Variants in PCSK2 observed in about 807,000 individuals in gnomAD.
PCSK2 encodes the protein neuroendocrine convertase 2.
PCSK2 carries 14 observed loss-of-function variants against 69.7 expected under a neutral mutation model. The observed-to-expected ratio is 0.20, with a 90% CI of 0.13 to 0.31. The LOEUF is 0.31. Among genes scored for constraint, PCSK2 ranks in the 10% least tolerant of loss-of-function variants. The pLI is 1.00. For synonymous variants in PCSK2, 307 were observed against 320.7 expected (o/e 0.96, Z 0.46); for missense variants, 544 against 842.5 (o/e 0.65, Z 4.39).
intron 8 of PCSK2, among the ~76,000 whole-genome samples, chr20:17,439,630 A>G (rs1218328705): frequency 6.6e-6 from 1 of 152,204 alleles, no homozygotes; most frequent in Non-Finnish European, 1.5e-5. Flanking sequence ...GATCCTTACT[A>G]AATTGTTGCT....
chr20:17,474,797 C>T (rs2033264068), intron 11 of PCSK2, among the ~76,000 whole-genome samples: 1 of 149,738 alleles, frequency 6.7e-6, no homozygotes, highest in African/African-American at 2.5e-5. Context: ...TCTATCTTTA[C>T]AATAACTTCT....
chr20:17,335,820 T>C (rs1990334013), intron 2 of PCSK2, among the ~76,000 whole-genome samples: 1 of 151,428 alleles, frequency 6.6e-6, no homozygotes, highest in Admixed American at 6.6e-5. Context: ...GCAAATGCCA[T>C]TATTTTTTTC....
chr20:17,239,841 CTTTTTTTTTTTTTT>C lies in PCSK2; in HGVS notation c.177+12375_177+12388del, dbSNP rs869179656. ...AAAATCAAACCCCAAGGTGAAAACACTTTTTTTTTTTTTTTTTTTTTTTTTTTTTGTGAGATGAA... is the reference window on the plus strand; with the variant it reads ...AAAATCAAACCCCAAGGTGAAAACACTTTTTTTTTTTTTTTGTGAGATGAA... On this transcript the variant is annotated intron_variant, in intron 1 of 11. Coordinates refer to ENST00000262545, the MANE Select transcript of PCSK2 (RefSeq NM_002594.5). Among the ~76,000 whole-genome samples the C allele has an allele frequency of 4.5e-4, 31 of 68,660 alleles. 1 individual carries two copies. The highest frequency in any genetic ancestry group is 2.1e-3 in the African/African-American group (31 of 14,928). 45.0% of individuals were successfully genotyped at this position (68,660 alleles called of 152,430 possible).
intron 8 of PCSK2, among the ~76,000 whole-genome samples, chr20:17,447,262 C>T (rs1269923709): frequency 9.2e-6 from 1 of 108,262 alleles, no homozygotes. Flanking sequence ...CAGAGCTATA[C>T]TCTGTCTCAA....
At chr20:17,463,210 CA>C (rs2033041999) in intron 10 of PCSK2, among the ~76,000 whole-genome samples, 1 of 152,146 alleles carries the variant, frequency 6.6e-6, no homozygotes, top group African/African-American at 2.4e-5. Context: ...CTTCTCCAGG[CA>C]TCAGAAGTAC....
At chr20:17,331,000 G>A (rs1447021082) in intron 2 of PCSK2, among the ~76,000 whole-genome samples, 3 of 152,210 alleles carry the variant, frequency 2.0e-5, no homozygotes, top group Non-Finnish European at 4.4e-5. Flanking sequence ...AGATCACATG[G>A]CCTTCCCAGG....
At chr20:17,437,293 G>A (rs2032504525) in intron 8 of PCSK2, among the ~76,000 whole-genome samples, 1 of 152,250 alleles carries the variant, frequency 6.6e-6, no homozygotes, top group Non-Finnish European at 1.5e-5. Flanking sequence ...GGTAGATCCA[G>A]GAGGCAGCAG....
chr20:17,445,913 C>T (rs542027544), intron 8 of PCSK2, among the ~76,000 whole-genome samples: 3 of 152,312 alleles, frequency 2.0e-5, no homozygotes, highest in South Asian at 2.1e-4. Flanking sequence ...TGGTGGGTTT[C>T]GGGTGATCCT....
chr20:17,450,101 C>T (rs1261377273), intron 8 of PCSK2, among the ~76,000 whole-genome samples: 1 of 136,164 alleles, frequency 7.3e-6, no homozygotes, highest in Non-Finnish European at 1.5e-5. Flanking sequence ...GATCTCGGCT[C>T]ACTGCGGGCT....
intron 1 of PCSK2, 54 bp from the exon 2 acceptor site, chr20:17,260,186 C>T: frequency 8.6e-7 from 1 of 1,167,984 alleles, no homozygotes; most frequent in Admixed American, 1.7e-5. Flanking sequence ...GTGTCCCTGT[C>T]CCTGGGCCAA....
chr20:17,359,600 A>T (rs2030321422), intron 3 of PCSK2, among the ~76,000 whole-genome samples: 1 of 152,232 alleles, frequency 6.6e-6, no homozygotes, highest in Non-Finnish European at 1.5e-5. Context: ...ATGAGATCAC[A>T]TGTCATTGGC....
intron 11 of PCSK2, among the ~76,000 whole-genome samples, chr20:17,475,190 C>T (rs1384627417): frequency 6.6e-6 from 1 of 151,850 alleles, no homozygotes; most frequent in African/African-American, 2.4e-5. Flanking sequence ...CACAGTTGTC[C>T]CGCTTGGGGG....
rs371064070 is a variant in PCSK2 at position 17,391,733 on chromosome 20, G to A, written c.544-17530G>A. On this transcript the variant is annotated intron_variant, in intron 5 of 11. Coordinates refer to ENST00000262545, the MANE Select transcript of PCSK2 (RefSeq NM_002594.5). ...AATTTAAACATTAGCTATGTATGGT[G>A]ACATATGGGTGCCTGTAGTCCCAGC... Among the ~76,000 whole-genome samples the A allele has an allele frequency of 2.6e-5, 4 of 152,000 alleles. No homozygotes were observed. The East Asian group carries it at 7.7e-4, about 29-fold the overall frequency.
At chr20:17,338,628 TA>T (rs888790200) in intron 2 of PCSK2, among the ~76,000 whole-genome samples, 25 of 152,308 alleles carry the variant, frequency 1.6e-4, no homozygotes, top group African/African-American at 5.5e-4. Flanking sequence ...AACTTATTTT[TA>T]AAAAATTAAA....
rs183991876 is a variant in PCSK2, at chr20:17,450,140, T to A, written c.886-3602T>A. On this transcript the variant is annotated intron_variant, in intron 8 of 11. Coordinates refer to ENST00000262545, the MANE Select transcript of PCSK2 (RefSeq NM_002594.5). ...CCCCCTGGGGTTCACGCCATTCTCT[T>A]GCCTCAGCCTCCCGAGTAGCTGGGA... is the stretch of plus-strand genomic sequence containing the variant. Among the ~76,000 whole-genome samples the A allele has an allele frequency of 3.8e-4, 57 of 148,252 alleles. 2 individuals are homozygous for A. The East Asian group carries it at 0.011, about 29-fold the overall frequency.
intron 6 of PCSK2, among the ~76,000 whole-genome samples, chr20:17,412,131 G>A (rs933248410): frequency 2.0e-5 from 3 of 152,164 alleles, no homozygotes; most frequent in African/African-American, 4.8e-5. Context: ...TCCTCCAAAG[G>A]ACCGCAGCTC....
At chr20:17,373,552 A>G (rs1375880035) in intron 5 of PCSK2, among the ~76,000 whole-genome samples, 1 of 152,198 alleles carries the variant, frequency 6.6e-6, no homozygotes, top group Non-Finnish European at 1.5e-5. Flanking sequence ...GAAATTCATT[A>G]AAGGTTAAAA....
chr20:17,448,068 T>C lies in PCSK2; in HGVS notation c.886-5674T>C, dbSNP rs6044824. Among the ~76,000 whole-genome samples, 1,363 of 152,322 alleles carry C rather than the reference T, an allele frequency of 8.9e-3. 7 individuals carry two copies. The highest frequency in any genetic ancestry group is 0.015 in the South Asian group (74 of 4,830). On this transcript the variant is annotated intron_variant, in intron 8 of 11. Coordinates refer to ENST00000262545, the MANE Select transcript of PCSK2 (RefSeq NM_002594.5). ...TCTATAATAAATATTATTTTCATAGTAAAGAATACAATAACTTTTTCCAAG... is the reference window on the plus strand; with the variant it reads ...TCTATAATAAATATTATTTTCATAGCAAAGAATACAATAACTTTTTCCAAG...
chr20:17,373,417 A>G (rs1216822533), intron 5 of PCSK2, among the ~76,000 whole-genome samples: 1 of 151,892 alleles, frequency 6.6e-6, no homozygotes, highest in East Asian at 1.9e-4. Context: ...AGATGTTCCT[A>G]CCTCCCCACA....
Sources: gnomAD v4.1 joint callset for allele counts (sites outside exome capture counted in the v4.1 genomes callset) on GRCh38, gnomAD v4.1.1 for gene constraint, MANE v1.5 for transcripts, NCBI Gene and HGNC (gene_info 2026-07-23, HGNC 2026-07-21) for gene names.